ANKRD31: variants seen among roughly 807,000 people sequenced by gnomAD.
ANKRD31 encodes the protein ankyrin repeat domain-containing protein 31.
In ANKRD31, 147 loss-of-function variants were observed where a neutral mutation model predicts 186.0. The ratio of observed to expected loss-of-function variants is 0.79; its 90% confidence interval spans 0.69 to 0.91. ANKRD31 has a LOEUF of 0.91. Among genes scored for constraint, ANKRD31 ranks in the 40% least tolerant of loss-of-function variants. ANKRD31 has a pLI of 0.00. For missense variants in ANKRD31, 1,986 were observed against 2,148.8 expected (o/e 0.92, Z 1.50); for synonymous variants, 673 against 736.4 (o/e 0.91, Z 1.39).
chr5:75,096,656 CT>C (rs1185831052), intron 22 of ANKRD31, among the ~76,000 whole-genome samples: 1 of 150,982 alleles, frequency 6.6e-6, no homozygotes, highest in African/African-American at 2.5e-5. Context: ...TTTAATCCAC[CT>C]TTAAAAAAAT....
At chr5:75,110,135 T>A (rs1747652681) in intron 20 of ANKRD31, among the ~76,000 whole-genome samples, 1 of 152,078 alleles carries the variant, frequency 6.6e-6, no homozygotes. Flanking sequence ...TATAATAAAA[T>A]TAAACTACAA....
chr5:75,120,566 G>T (rs1157648909), intron 17 of ANKRD31, among the ~76,000 whole-genome samples: 2 of 152,168 alleles, frequency 1.3e-5, no homozygotes, highest in Non-Finnish European at 2.9e-5. Context: ...AGGATAAAGA[G>T]GCAGATAAAT....
chr5:75,097,619 C>T (rs1746441603), intron 22 of ANKRD31, among the ~76,000 whole-genome samples: 1 of 152,178 alleles, frequency 6.6e-6, no homozygotes, highest in East Asian at 1.9e-4. Flanking sequence ...CCTCTTCACT[C>T]TGATGGCAGT....
chr5:75,090,855 A>AT (rs1319723804), intron 23 of ANKRD31, among the ~76,000 whole-genome samples: 1 of 152,182 alleles, frequency 6.6e-6, no homozygotes, highest in Non-Finnish European at 1.5e-5. Flanking sequence ...TATTTAGGAG[A>AT]TTTTGCTTTA....
At chr5:75,141,425 C>A (rs756137368) in intron 15 of ANKRD31, among the ~76,000 whole-genome samples, 6 of 151,882 alleles carry the variant, frequency 4.0e-5, no homozygotes, top group Admixed American at 1.3e-4. Context: ...CTGCAGACTG[C>A]AAGTTTGAAT....
chr5:75,135,359 C>G (rs550269369), intron 17 of ANKRD31, among the ~76,000 whole-genome samples: 1 of 152,054 alleles, frequency 6.6e-6, no homozygotes, highest in Non-Finnish European at 1.5e-5. Context: ...ACAGGCATTC[C>G]TATACACCAA....
In ANKRD31 at chr5:75,146,976, T is replaced by C; in HGVS notation, c.2435A>G (p.Asn812Ser). 25 of 1,536,318 alleles carry C rather than the reference T, an allele frequency of 1.6e-5. No individual in the cohort carries two copies. The highest frequency in any genetic ancestry group is 2.2e-5 in the Non-Finnish European group (25 of 1,146,286). ...CSVSKEKHIQ[N>S]LDLSDSQEVQ... Reference sequence around the variant, plus strand: ...TTCTTGACTATCTGATAAATCCAGGTTCTGGATGTGTTTCTCTTTGGAAAC... The same window carrying C: ...TTCTTGACTATCTGATAAATCCAGGCTCTGGATGTGTTTCTCTTTGGAAAC... Residue 812 changes from asparagine (N) to serine (S), a missense_variant, in exon 14 of 26, where the codon AAC becomes AGC. Asn to Ser is a conservative substitution (Grantham distance 46). Coordinates refer to ENST00000506364, the MANE Select transcript of ANKRD31 (RefSeq NM_001372053.1).
At chr5:75,152,700 C>T (rs188378941) in intron 12 of ANKRD31, among the ~76,000 whole-genome samples, 4 of 151,690 alleles carry the variant, frequency 2.6e-5, no homozygotes, top group African/African-American at 9.7e-5. Flanking sequence ...AATCAGTAGA[C>T]AAAACAAAGA....
At chr5:75,175,942 A>C (rs1275544620) in intron 10 of ANKRD31, among the ~76,000 whole-genome samples, 2 of 152,106 alleles carry the variant, frequency 1.3e-5, no homozygotes, top group Non-Finnish European at 2.9e-5. Context: ...AGGCATCGCC[A>C]CACCCGGGAA....
At chr5:75,100,707 T>A (rs961380142) in intron 22 of ANKRD31, among the ~76,000 whole-genome samples, 1 of 152,214 alleles carries the variant, frequency 6.6e-6, no homozygotes, top group East Asian at 1.9e-4. Context: ...TGATCTTTGT[T>A]GGTTTAAAGT....
At chr5:75,148,082 G>C (rs1315155323) in intron 13 of ANKRD31, among the ~76,000 whole-genome samples, 2 of 151,796 alleles carry the variant, frequency 1.3e-5, no homozygotes, top group African/African-American at 4.8e-5. Context: ...GTATCTGGGA[G>C]AACTATGGGA....
At chr5:75,224,149 A>ATATATT (rs1757486389) in intron 2 of ANKRD31, among the ~76,000 whole-genome samples, 1 of 55,208 alleles carries the variant, frequency 1.8e-5, no homozygotes, top group Non-Finnish European at 3.2e-5. Context: ...ATATATATAT[A>ATATATT]TATATATATA....
At chr5:75,141,354 G>A (rs114056520) in intron 15 of ANKRD31, among the ~76,000 whole-genome samples, 3,903 of 151,872 alleles carry the variant, frequency 0.026, 146 homozygotes, top group African/African-American at 0.083. Flanking sequence ...GTGTGTGTGT[G>A]TATATATATA....
In ANKRD31 at chr5:75,176,220, TAAC is replaced by T. The variant is rs1753786017; in HGVS notation, c.1565-7102_1565-7100del. Among the ~76,000 whole-genome samples, 3 of 152,216 alleles carry T rather than the reference TAAC, an allele frequency of 2.0e-5. No individual in the cohort carries two copies. In the South Asian group the frequency reaches 6.2e-4, roughly 32 times the overall value. ...TGCCATTGCTCAGGCTTGAGTAGGT[TAAC>T]AAAGCGGCCAGGAAGCTCGAACTGG... On this transcript the variant is annotated intron_variant, in intron 10 of 25. Coordinates refer to ENST00000506364, the MANE Select transcript of ANKRD31 (RefSeq NM_001372053.1).
chr5:75,105,317 T>A, intron 21 of ANKRD31, 99 bp from the exon 22 acceptor site: 1 of 1,270,996 alleles, frequency 7.9e-7, no homozygotes, highest in Non-Finnish European at 1.0e-6. Flanking sequence ...CAAATTTTAA[T>A]CACTTTAAAA....
At chr5:75,150,986 C>T (rs1054103176) in intron 12 of ANKRD31, among the ~76,000 whole-genome samples, 1 of 151,888 alleles carries the variant, frequency 6.6e-6, no homozygotes, top group Non-Finnish European at 1.5e-5. Flanking sequence ...AAGTTTTTTG[C>T]TCTAATGAAC....
intron 15 of ANKRD31, among the ~76,000 whole-genome samples, chr5:75,141,069 G>C (rs1751013039): frequency 1.3e-5 from 2 of 152,138 alleles, no homozygotes; most frequent in Admixed American, 1.3e-4. Context: ...AGGTAATTCT[G>C]ATGCAAACTA....
Position 75,146,002 on chromosome 5 carries a change from TTTCC to T in ANKRD31, c.3405_3408del (p.Glu1136PhefsTer9). 1.3e-6 allele frequency: 2 copies of T among 1,484,140 alleles called. No individual in the cohort carries two copies. Among genetic ancestry groups the T allele is most frequent in the Non-Finnish European group, 1.8e-6 (2 of 1,124,740 alleles). The allele number at this position is 1,484,140 out of a possible 1,614,324, so 91.9% of individuals were successfully genotyped here. On this transcript the variant is annotated frameshift_variant, in exon 14 of 26. Coordinates refer to ENST00000506364, the MANE Select transcript of ANKRD31 (RefSeq NM_001372053.1). LOFTEE classifies it high-confidence loss of function. ...TTACTAATACCTGGTTTGTGAGAAA[TTTCC>T]TTCTTTTCTCTTTGACTAAGTTTTG...
chr5:75,223,457 C>A (rs960471962), intron 2 of ANKRD31, among the ~76,000 whole-genome samples: 1 of 152,048 alleles, frequency 6.6e-6, no homozygotes, highest in East Asian at 1.9e-4. Context: ...AATACTAGTA[C>A]ATAGTCCAAA....
Sources: gnomAD v4.1 joint callset for allele counts (sites outside exome capture counted in the v4.1 genomes callset) on GRCh38, gnomAD v4.1.1 for gene constraint, MANE v1.5 for transcripts, NCBI Gene and HGNC (gene_info 2026-07-23, HGNC 2026-07-21) for gene names.